Variants in SGSM3 observed in about 807,000 individuals in gnomAD.
SGSM3 encodes RUN and SH3 containing 3.
Under a neutral mutation model 100.5 loss-of-function variants are expected in SGSM3, and 96 were observed. That is an observed-to-expected ratio of 0.96 (90% CI 0.81 to 1.13). The LOEUF (loss-of-function observed/expected upper bound fraction) is 1.13. SGSM3 is among the 50% of genes most tolerant of loss of function. The pLI, the probability that SGSM3 is intolerant of heterozygous loss-of-function variation, is 0.00. For missense variants in SGSM3, 1,001 were observed against 1,015.8 expected (o/e 0.99, Z 0.20); for synonymous variants, 483 against 422.8 (o/e 1.14, Z -1.75).
In SGSM3 at chr22:40,407,886, G is replaced by A; in HGVS notation, c.1579+43G>A. 1 of 1,572,912 alleles carries A rather than the reference G, an allele frequency of 6.4e-7. No individual in the cohort carries two copies. ...CTCTTGAGCTGGGAGAGGGAGGAGGGGGTGGGCACAGAAGACTTGGGTGAC... is the reference window on the plus strand; with the variant it reads ...CTCTTGAGCTGGGAGAGGGAGGAGGAGGTGGGCACAGAAGACTTGGGTGAC... On this transcript the variant is annotated intron_variant, in intron 14 of 21. Transcript: ENST00000248929. The surrounding 1 kb of genome is among the most constrained non-coding windows in gnomAD (Gnocchi z 4.7).
chr22:40,409,821 A>G lies in SGSM3; in HGVS notation c.*62A>G. The G allele has an allele frequency of 1.3e-6, 2 of 1,574,450 alleles. No homozygotes were observed. The highest frequency in any genetic ancestry group is 1.7e-6 in the Non-Finnish European group (2 of 1,166,624). On this transcript the variant is annotated 3_prime_UTR_variant, in exon 22 of 22. Transcript: ENST00000248929. ...GAGGTGGCCCAGGACCCCAAGCTGC[A>G]GAGCCCAGGGAAGAGCAGCTCCAGA... is the stretch of plus-strand genomic sequence containing the variant.
At chr22:40,399,749 C>G (rs1022402014) in intron 1 of SGSM3, among the ~76,000 whole-genome samples, 1 of 152,236 alleles carries the variant, frequency 6.6e-6, no homozygotes, top group Non-Finnish European at 1.5e-5. Flanking sequence ...AACCAACCAA[C>G]CAGGATGGCT....
intron 1 of SGSM3, among the ~76,000 whole-genome samples, chr22:40,386,008 T>A (rs1174361781): frequency 1.3e-5 from 2 of 151,188 alleles, no homozygotes; most frequent in Admixed American, 6.6e-5. Flanking sequence ...CACGCCACCA[T>A]GCCCGGCTAA....
chr22:40,407,031 G>A lies in SGSM3; in HGVS notation c.1200G>A (p.Arg400=), dbSNP rs1246987130. The A allele has an allele frequency of 6.3e-7, 1 of 1,580,950 alleles. No individual in the cohort carries two copies. Among genetic ancestry groups the A allele is most frequent in the Non-Finnish European group, 8.6e-7 (1 of 1,163,218 alleles). The stretch of plus-strand genomic sequence containing the variant: ...TCTTGGTGCAGGTTGTTCGCCGCAG[G>A]ACCCAGCGGAGGAAGTCCACCATCA... ...LTNLSQVVRR[R]TQRRKSTITA... The change falls in exon 11 of 22, where the codon AGG becomes AGA. Residue 400 remains arginine, a synonymous_variant. Transcript: ENST00000248929. This position sits in a 1 kb window ranked among gnomAD's most constrained non-coding sequence, Gnocchi z 4.7.
At chr22:40,394,646 A>C (rs1446154114) in intron 1 of SGSM3, among the ~76,000 whole-genome samples, 2 of 61,412 alleles carry the variant, frequency 3.3e-5, no homozygotes, top group Admixed American at 2.6e-4. Context: ...CTCCTGTCTC[A>C]AAAAAAAAAA....
At position 40,408,322 on chromosome 22, in the gene SGSM3, C is replaced by G. The variant is rs765553269; in HGVS notation, c.1675C>G (p.Leu559Val). The G allele has an allele frequency of 9.9e-6, 16 of 1,613,454 alleles. No homozygotes were observed. The highest frequency in any genetic ancestry group is 1.3e-5 in the African/African-American group (1 of 74,898). ...CTCGGTGACGGAGGGGGTCACAGAC[C>G]TCGTGCGAGGGACCCTCTGCCCGGC... is the stretch of plus-strand genomic sequence containing the variant. ...DDSVTEGVTD[L>V]VRGTLCPALK... The change falls in exon 16 of 22, where the codon CTC becomes GTC. Residue 559 changes from leucine to valine, a missense_variant. Leu to Val is a conservative substitution (Grantham distance 32). Transcript: ENST00000248929.
chr22:40,391,160 T>C (rs1340276952), intron 1 of SGSM3, among the ~76,000 whole-genome samples: 1 of 152,172 alleles, frequency 6.6e-6, no homozygotes, highest in Non-Finnish European at 1.5e-5. Flanking sequence ...GTTCTCAAAG[T>C]GTGTTCCCTG....
At position 40,406,769 on chromosome 22, in the gene SGSM3, C is replaced by T. The variant is rs936308257; in HGVS notation, c.1185+107C>T. 4 of 1,017,970 alleles carry T rather than the reference C, an allele frequency of 3.9e-6. No individual in the cohort carries two copies. In the African/African-American group the frequency reaches 6.3e-5, roughly 16 times the overall value. The allele number at this position is 1,017,970 out of a possible 1,614,324, so 63.1% of individuals were successfully genotyped here. On this transcript the variant is annotated intron_variant, in intron 10 of 21. Transcript: ENST00000248929. The stretch of plus-strand genomic sequence containing the variant: ...GCGGAAAACAAACCAGCCCTTCCTG[C>T]TCTGCCCCCCAGCCTGGCCCAGTCA...
chr22:40,375,083 C>T (rs1345229342), intron 1 of SGSM3, among the ~76,000 whole-genome samples: 2 of 152,228 alleles, frequency 1.3e-5, no homozygotes, highest in Non-Finnish European at 2.9e-5. Context: ...ACATTCACCT[C>T]TTTTCAGTAG....
chr22:40,387,447 A>G (rs1474043571), intron 1 of SGSM3: 1 of 366,916 alleles, frequency 2.7e-6, no homozygotes, highest in East Asian at 3.9e-5. Flanking sequence ...TATATGAAAA[A>G]TAGCAACTGT....
intron 1 of SGSM3, among the ~76,000 whole-genome samples, chr22:40,388,727 T>C (rs1465541604): frequency 6.6e-6 from 1 of 152,074 alleles, no homozygotes. Context: ...CAGCCTCAAC[T>C]AGAAAGTAGC....
chr22:40,392,262 A>AG (rs1401916719), intron 1 of SGSM3, among the ~76,000 whole-genome samples: 1 of 151,314 alleles, frequency 6.6e-6, no homozygotes, highest in East Asian at 1.9e-4. Flanking sequence ...AGACTATGGC[A>AG]GGGGAAGGGG....
chr22:40,399,826 G>A (rs1342060513), intron 1 of SGSM3, among the ~76,000 whole-genome samples: 1 of 152,190 alleles, frequency 6.6e-6, no homozygotes, highest in African/African-American at 2.4e-5. Context: ...AGGAGGGAGC[G>A]TCTCTCCCAT....
In SGSM3 at chr22:40,409,493, T is replaced by G; in HGVS notation, c.2140T>G (p.Ser714Ala). 6.3e-7 allele frequency: 1 copy of G among 1,590,612 alleles called. No individual in the cohort carries two copies. Among genetic ancestry groups the G allele is most frequent in the East Asian group, 2.2e-5 (1 of 44,484 alleles). ...CCTCTGCTGCTTTGCCTTCAGCCTC[T>G]CCCAGGACTGGGAGCTCCCTGCGAA... is the stretch of plus-strand genomic sequence containing the variant. The part of the protein sequence containing the change: ...RVLCCFAFSL[S>A]QDWELPAKRE... The change falls in exon 21 of 22, where the codon TCC (serine) becomes GCC (alanine). Residue 714 changes from serine (S) to alanine (A), a missense_variant. Coordinates refer to ENST00000248929, the MANE Select transcript of SGSM3 (RefSeq NM_015705.6).
intron 16 of SGSM3, 28 bp downstream of exon 16, chr22:40,408,457 C>G: frequency 4.3e-6 from 7 of 1,612,538 alleles, no homozygotes; most frequent in Non-Finnish European, 5.9e-6. Context: ...CCCATGACCC[C>G]CACCCTGCAC....
chr22:40,401,155 C>T (rs560928001), intron 2 of SGSM3, among the ~76,000 whole-genome samples: 1 of 152,328 alleles, frequency 6.6e-6, no homozygotes, highest in African/African-American at 2.4e-5. Context: ...CTGCTCCTTC[C>T]CTACCCAGCA....
In SGSM3 at chr22:40,407,702, T is replaced by C. The variant is rs2051803128; in HGVS notation, c.1525-87T>C. On this transcript the variant is annotated intron_variant, in intron 13 of 21. Coordinates refer to ENST00000248929, the MANE Select transcript of SGSM3 (RefSeq NM_015705.6). The surrounding 1 kb of genome is among the most constrained non-coding windows in gnomAD (Gnocchi z 4.7). ...AAGATGTAGGGGTCTTGGCCTGGCC[T>C]AGTTGCTGAGGAGTCATATCGGGGG... 2.5e-6 allele frequency: 4 copies of C among 1,585,522 alleles called. No homozygotes were observed. The highest frequency in any genetic ancestry group is 3.3e-5 in the Admixed American group (2 of 59,896).
At chr22:40,409,603 C>T (rs573513550) in intron 21 of SGSM3, 78 bp downstream of exon 21, 44 of 1,613,446 alleles carry the variant, frequency 2.7e-5, no homozygotes, top group East Asian at 1.8e-4. Flanking sequence ...GGTGGGAACC[C>T]GAAGTGCTGG....
intron 1 of SGSM3, among the ~76,000 whole-genome samples, chr22:40,399,867 A>G (rs1426149644): frequency 1.3e-5 from 2 of 152,188 alleles, no homozygotes; most frequent in African/African-American, 4.8e-5. Context: ...AACAGTCAGG[A>G]ATGTTCTGCT....
Sources: gnomAD v4.1 joint callset for allele counts (sites outside exome capture counted in the v4.1 genomes callset) on GRCh38, gnomAD v4.1.1 for gene constraint, Gnocchi (gnomAD v3.1) non-coding constraint, MANE v1.5 for transcripts, NCBI Gene and HGNC (gene_info 2026-07-23, HGNC 2026-07-21) for gene names.